Variants in CACNA2D3 observed in about 807,000 individuals in gnomAD.
The protein encoded by CACNA2D3 is calcium voltage-gated channel auxiliary subunit alpha2delta 3.
In CACNA2D3, 60 loss-of-function variants were observed where a neutral mutation model predicts 160.6. The ratio of observed to expected loss-of-function variants is 0.37; its 90% CI spans 0.30 to 0.46. The LOEUF (loss-of-function observed/expected upper bound fraction) is 0.46. Ranked by LOEUF, CACNA2D3 falls within the 20% of genes least tolerant of loss-of-function variation. CACNA2D3 has a pLI of 1.00. For synonymous variants in CACNA2D3, 558 were observed against 492.9 expected, an observed-to-expected ratio of 1.13 and a Z score of -1.75; for missense variants, 1,205 against 1,365.0, an observed-to-expected ratio of 0.88 and a Z score of 1.85.
chr3:54,865,691 G>T (rs1157807862), intron 17 of CACNA2D3, among the ~76,000 whole-genome samples: 1 of 152,208 alleles, frequency 6.6e-6, no homozygotes, highest in Non-Finnish European at 1.5e-5. Flanking sequence ...AACTCCCTTT[G>T]CCTGTGAAGG....
intron 18 of CACNA2D3, chr3:54,875,365 T>C (rs1699635446): frequency 6.6e-6 from 1 of 152,212 alleles, no homozygotes; most frequent in Admixed American, 6.5e-5. Context: ...ATGACAGACC[T>C]GTTTATCCAC....
At chr3:54,903,373 A>G (rs1380654500) in intron 27 of CACNA2D3, among the ~76,000 whole-genome samples, 1 of 152,228 alleles carries the variant, frequency 6.6e-6, no homozygotes, top group African/African-American at 2.4e-5. Context: ...GTGTTCCTGC[A>G]AAGGACCTGA....
intron 35 of CACNA2D3, among the ~76,000 whole-genome samples, chr3:55,050,138 C>G (rs1391097390): frequency 6.6e-6 from 1 of 151,230 alleles, no homozygotes; most frequent in Non-Finnish European, 1.5e-5. Context: ...GAATTTGATC[C>G]TGTCATTTTG....
At chr3:54,384,468 T>G (rs1003322344) in intron 3 of CACNA2D3, among the ~76,000 whole-genome samples, 1 of 152,228 alleles carries the variant, frequency 6.6e-6, no homozygotes, top group Non-Finnish European at 1.5e-5. Context: ...TCACTGCCTG[T>G]CACTCATCTG....
intron 11 of CACNA2D3, among the ~76,000 whole-genome samples, chr3:54,669,751 T>A (rs1041695817): frequency 6.6e-6 from 1 of 152,002 alleles, no homozygotes; most frequent in African/African-American, 2.4e-5. Flanking sequence ...AAAAAAAAAC[T>A]TTTAATTTTA....
rs994066051 is a variant in CACNA2D3 at position 54,278,384 on chromosome 3, G to C, written c.205-42058G>C. ...GGAGAAATAGGAATGCTTTTACACT[G>C]TTGGTGGGAGTGTAAATTAGTTCAC... On this transcript the variant is annotated intron_variant, in intron 2 of 37. Transcript: ENST00000474759. 5.3e-5 allele frequency among the ~76,000 whole-genome samples: 8 copies of C among 152,224 alleles called. No homozygotes were observed. The East Asian group carries it at 7.7e-4, about 15-fold the overall frequency.
At chr3:54,123,406 C>T (rs934050383) in intron 1 of CACNA2D3, 107 bp from the exon 2 acceptor site, 32 of 764,366 alleles carry the variant, frequency 4.2e-5, no homozygotes, top group South Asian at 3.5e-4. Context: ...AAACATGTTA[C>T]ATCGCACTGC....
intron 2 of CACNA2D3, among the ~76,000 whole-genome samples, chr3:54,258,516 A>G (rs1702342875): frequency 6.6e-6 from 1 of 152,220 alleles, no homozygotes; most frequent in Non-Finnish European, 1.5e-5. Context: ...AAGTTCAAGT[A>G]AGAGTAAGGA....
intron 3 of CACNA2D3, among the ~76,000 whole-genome samples, chr3:54,363,288 C>T (rs555055464): frequency 2.0e-5 from 3 of 152,140 alleles, no homozygotes; most frequent in African/African-American, 7.2e-5. Context: ...CATACACGAT[C>T]GGACAAAACA....
chr3:54,924,804 G>T, intron 27 of CACNA2D3: 1 of 1,614,080 alleles, frequency 6.2e-7, no homozygotes, highest in Non-Finnish European at 8.5e-7. Context: ...CTCTCCCAAG[G>T]ATGTGGGAAG....
chr3:54,898,635 A>T (rs1317238354), intron 26 of CACNA2D3, among the ~76,000 whole-genome samples: 2 of 152,142 alleles, frequency 1.3e-5, no homozygotes, highest in African/African-American at 4.8e-5. Flanking sequence ...ATCTCTTAAG[A>T]CTTCCTTGTC....
At chr3:54,452,950 T>C (rs1228366245) in intron 4 of CACNA2D3, among the ~76,000 whole-genome samples, 1 of 151,996 alleles carries the variant, frequency 6.6e-6, no homozygotes. Flanking sequence ...CTATGTCTTC[T>C]TTTTTTCTTT....
intron 3 of CACNA2D3, among the ~76,000 whole-genome samples, chr3:54,321,366 C>G (rs1331495265): frequency 6.6e-6 from 1 of 151,964 alleles, no homozygotes; most frequent in African/African-American, 2.4e-5. Context: ...AGGCTGTTCT[C>G]AAACTCCTGG....
chr3:54,991,326 G>A (rs1252968044), intron 31 of CACNA2D3, among the ~76,000 whole-genome samples: 2 of 151,534 alleles, frequency 1.3e-5, no homozygotes, highest in Admixed American at 6.6e-5. Flanking sequence ...GGGTTCAAGC[G>A]ATTCTTCTGC....
chr3:55,005,190 C>T (rs1381037216), intron 32 of CACNA2D3, among the ~76,000 whole-genome samples: 1 of 151,926 alleles, frequency 6.6e-6, no homozygotes, highest in Admixed American at 6.6e-5. Flanking sequence ...GCGGGAGAAC[C>T]GCTTGAACCT....
intron 27 of CACNA2D3, among the ~76,000 whole-genome samples, chr3:54,956,914 A>G (rs1701911916): frequency 6.6e-6 from 1 of 152,094 alleles, no homozygotes; most frequent in African/African-American, 2.4e-5. Context: ...TTTGCTGTAT[A>G]GGTTGAAAAC....
intron 11 of CACNA2D3, among the ~76,000 whole-genome samples, chr3:54,703,367 T>G (rs2106951041): frequency 6.6e-6 from 1 of 152,264 alleles, no homozygotes; most frequent in South Asian, 2.1e-4. Flanking sequence ...TTATAAGAAT[T>G]TTACAGGCCT....
At chr3:54,135,029 AGCGCTTGAGT>A (rs1195289849) in intron 2 of CACNA2D3, among the ~76,000 whole-genome samples, 1 of 152,230 alleles carries the variant, frequency 6.6e-6, no homozygotes, top group African/African-American at 2.4e-5. Context: ...AATTCCATAA[AGCGCTTGAGT>A]GCCACATTAT....
chr3:54,503,597 T>A lies in CACNA2D3; in HGVS notation c.487T>A (p.Leu163Met). ...ILAPNDHFNN[L>M]PVNISLSDVQ... ...AGCCCCAAATGACCATTTTAATAATTTGCCTGTGAACATCAGTCTAAGTGA... is the reference window on the plus strand; with the variant it reads ...AGCCCCAAATGACCATTTTAATAATATGCCTGTGAACATCAGTCTAAGTGA... The change falls in exon 5 of 38, where the codon TTG (leucine) becomes ATG (methionine). Residue 163 changes from leucine (L) to methionine (M), a missense_variant. Leu to Met is a conservative substitution (Grantham distance 15). Around this residue, in one of 3 missense-constraint regions of CACNA2D3, gnomAD observed 131 missense variants for 201.5 expected, o/e 0.65. Coordinates refer to ENST00000474759, the MANE Select transcript of CACNA2D3 (RefSeq NM_018398.3). 1.9e-6 allele frequency: 3 copies of A among 1,613,932 alleles called. No individual in the cohort carries two copies. The highest frequency in any genetic ancestry group is 2.5e-6 in the Non-Finnish European group (3 of 1,179,818).
Sources: gnomAD v4.1 joint callset for allele counts (sites outside exome capture counted in the v4.1 genomes callset) on GRCh38, gnomAD v4.1.1 for gene constraint, gnomAD v4.1.1 regional missense constraint, MANE v1.5 for transcripts, NCBI Gene and HGNC (gene_info 2026-07-23, HGNC 2026-07-21) for gene names.